Variants in FKTN observed in about 807,000 individuals in gnomAD.
FKTN encodes fukutin.
FKTN carries 47 observed loss-of-function variants against 58.6 expected under a neutral mutation model. The observed-to-expected ratio is 0.80, with a 90% confidence interval of 0.63 to 1.02. FKTN has a LOEUF of 1.02. Among genes scored for constraint, FKTN ranks in the 50% least tolerant of loss-of-function variants. FKTN has a pLI of 0.00. For synonymous variants in FKTN, 178 were observed against 191.9 expected (o/e 0.93, Z 0.60); for missense variants, 516 against 537.3 (o/e 0.96, Z 0.39).
At chr9:105,599,252 T>G (rs1041539354) in intron 4 of FKTN, among the ~76,000 whole-genome samples, 3 of 152,192 alleles carry the variant, frequency 2.0e-5, no homozygotes, top group African/African-American at 2.4e-5. Flanking sequence ...AGTTTTTCAC[T>G]TTTTTCTGTT....
chr9:105,590,227 C>T (rs895045110), intron 3 of FKTN, among the ~76,000 whole-genome samples: 1 of 152,078 alleles, frequency 6.6e-6, no homozygotes, highest in African/African-American at 2.4e-5. Flanking sequence ...GCAAATAAGT[C>T]TCATGAGAGC....
intron 3 of FKTN, among the ~76,000 whole-genome samples, chr9:105,577,897 T>C (rs1274549331): frequency 3.3e-5 from 5 of 151,060 alleles, no homozygotes; most frequent in African/African-American, 1.2e-4. Context: ...CCCTTGTAAG[T>C]TGGATTCCTA....
Position 105,579,576 on chromosome 9 carries a change from T to A in FKTN, c.105+4439T>A, listed in dbSNP as rs1172709855. Among the ~76,000 whole-genome samples the A allele has an allele frequency of 5.3e-5, 8 of 151,206 alleles. No homozygotes were observed. In the East Asian group the frequency reaches 1.4e-3, roughly 26 times the overall value. The stretch of plus-strand genomic sequence containing the variant: ...TCTTTTACATTTGCTGAGGAGAGCT[T>A]TACTTCCAAGTATGTGGTCAATTTT... On this transcript the variant is annotated intron_variant, in intron 3 of 10. Coordinates refer to ENST00000357998, the MANE Select transcript of FKTN (RefSeq NM_001079802.2).
At chr9:105,569,270 C>CT (rs1840300993) in intron 1 of FKTN, among the ~76,000 whole-genome samples, 1 of 151,986 alleles carries the variant, frequency 6.6e-6, no homozygotes, top group Non-Finnish European at 1.5e-5. Context: ...CACATGTACC[C>CT]TAGAGCTTAA....
intron 1 of FKTN, among the ~76,000 whole-genome samples, chr9:105,561,923 C>A (rs1838364981): frequency 6.7e-6 from 1 of 148,730 alleles, no homozygotes; most frequent in Non-Finnish European, 1.5e-5. Context: ...TGAAAAATGT[C>A]GATTTTTTTT....
intron 1 of FKTN, among the ~76,000 whole-genome samples, chr9:105,559,987 G>A (rs1274578364): frequency 2.0e-5 from 3 of 152,114 alleles, no homozygotes; most frequent in African/African-American, 7.2e-5. Flanking sequence ...AGATTCTCAG[G>A]GGCCCAGTGT....
At chr9:105,625,133 G>A (rs953425264) in intron 10 of FKTN, among the ~76,000 whole-genome samples, 1 of 152,146 alleles carries the variant, frequency 6.6e-6, no homozygotes, top group East Asian at 1.9e-4. Flanking sequence ...AAATCACATG[G>A]TAGTGAATTA....
chr9:105,619,890 A>ATTTCCTTTG, intron 9 of FKTN, 44 bp from the exon 10 acceptor site: 1 of 1,567,278 alleles, frequency 6.4e-7, no homozygotes, highest in Non-Finnish European at 8.7e-7. Flanking sequence ...TTAAAAATGT[A>ATTTCCTTTG]TTTCCTTTGT....
intron 3 of FKTN, among the ~76,000 whole-genome samples, chr9:105,575,525 C>T (rs1364878316): frequency 6.6e-6 from 1 of 151,998 alleles, no homozygotes; most frequent in African/African-American, 2.4e-5. Context: ...TTACCTTTAT[C>T]TGTATGTATA....
chr9:105,586,404 A>G (rs888415142), intron 3 of FKTN, among the ~76,000 whole-genome samples: 3 of 152,170 alleles, frequency 2.0e-5, no homozygotes, highest in Non-Finnish European at 4.4e-5. Flanking sequence ...TCACACCAGA[A>G]TGGAAAGGAC....
chr9:105,631,232 C>A (rs1833398461), intron 10 of FKTN, among the ~76,000 whole-genome samples: 2 of 152,264 alleles, frequency 1.3e-5, no homozygotes, highest in South Asian at 4.1e-4. Flanking sequence ...ACTTTAGAAG[C>A]CCTTCCATTA....
rs398123555 is a variant in FKTN at position 105,620,049 on chromosome 9, GA to G, written c.1167del (p.Lys389AsnfsTer17). 1.2e-6 allele frequency: 2 copies of G among 1,611,368 alleles called. No individual in the cohort carries two copies. Among genetic ancestry groups the G allele is most frequent in the South Asian group, 2.2e-5 (2 of 90,976 alleles). On this transcript the variant is annotated frameshift_variant, in exon 10 of 11. Coordinates refer to ENST00000357998, the MANE Select transcript of FKTN (RefSeq NM_001079802.2). LOFTEE classifies it high-confidence loss of function. Reference sequence around the variant, plus strand: ...AATGGAGGCACTCAGGCCAAAACAGGAAAAAAATTCAAGTATGAATCAAATA... The same window carrying G: ...AATGGAGGCACTCAGGCCAAAACAGGAAAAAATTCAAGTATGAATCAAATA... ...MWNGGTQAKT[G>X]KKFKYLFPKF...
intron 3 of FKTN, among the ~76,000 whole-genome samples, chr9:105,586,438 A>G (rs1843919445): frequency 6.6e-6 from 1 of 152,158 alleles, no homozygotes; most frequent in South Asian, 2.1e-4. Context: ...CCTGAAGAGA[A>G]TTTTCATTGT....
chr9:105,565,742 A>G (rs955718016), intron 1 of FKTN, among the ~76,000 whole-genome samples: 1 of 152,248 alleles, frequency 6.6e-6, no homozygotes, highest in African/African-American at 2.4e-5. Flanking sequence ...CAGATCAACG[A>G]GACAGAAAGT....
At chr9:105,633,763 T>C (rs1437677139) in intron 10 of FKTN, among the ~76,000 whole-genome samples, 1 of 152,232 alleles carries the variant, frequency 6.6e-6, no homozygotes, top group African/African-American at 2.4e-5. Context: ...GGCTTTATGT[T>C]CATTTGGTAG....
At position 105,579,237 on chromosome 9, in the gene FKTN, A is replaced by C. The variant is rs568951469; in HGVS notation, c.105+4100A>C. Among the ~76,000 whole-genome samples the C allele has an allele frequency of 6.3e-3, 961 of 152,118 alleles. 16 individuals carry two copies. The highest frequency in any genetic ancestry group is 0.022 in the African/African-American group (915 of 41,468). ...TGAATGTGTTTGCTCTTGCTTCTCT[A>C]GTTCTCTTAATTGTGATGTTAGGGT... On this transcript the variant is annotated intron_variant, in intron 3 of 10. Transcript: ENST00000357998.
At chr9:105,629,172 G>A (rs1311000747) in intron 10 of FKTN, among the ~76,000 whole-genome samples, 1 of 151,872 alleles carries the variant, frequency 6.6e-6, no homozygotes, top group Non-Finnish European at 1.5e-5. Flanking sequence ...GATAAGCCTG[G>A]GCAACATAGG....
chr9:105,635,751 GT>G lies in FKTN; in HGVS notation c.*488del. 9.9e-7 allele frequency: 1 copy of G among 1,011,788 alleles called. No homozygotes were observed. The highest frequency in any genetic ancestry group is 4.1e-5 in the South Asian group (1 of 24,448). 62.7% of individuals were successfully genotyped at this position (1,011,788 alleles called of 1,614,324 possible). ...TTGTGGAGTCTGAGTTAATATTCAA[GT>G]GATCAGACTTTGAGTGACATCAAGA... On this transcript the variant is annotated 3_prime_UTR_variant, in exon 11 of 11. Transcript: ENST00000357998.
intron 1 of FKTN, among the ~76,000 whole-genome samples, chr9:105,568,661 A>C (rs984414142): frequency 6.6e-6 from 1 of 152,226 alleles, no homozygotes; most frequent in Non-Finnish European, 1.5e-5. Flanking sequence ...GAGGATGTGG[A>C]GAAATAGGAA....
Sources: allele counts gnomAD v4.1 joint callset (sites outside exome capture counted in the v4.1 genomes callset), GRCh38; gene constraint gnomAD v4.1.1; transcripts MANE v1.5; gene names NCBI Gene and HGNC (gene_info 2026-07-23, HGNC 2026-07-21).